The following NALF1 variants were observed in gnomAD, a reference collection of about 807,000 sequenced individuals.
The protein encoded by NALF1 is family with sequence similarity 155 member A.
A neutral mutation model predicts 48.4 loss-of-function variants in NALF1; 3 were observed. The ratio of observed to expected loss-of-function variants is 0.06; its 90% confidence interval spans 0.03 to 0.16. The LOEUF (loss-of-function observed/expected upper bound fraction) is 0.16. NALF1 is among the 10% of genes least tolerant of loss of function. NALF1 has a pLI of 1.00. For missense variants in NALF1, 526 were observed against 571.5 expected (o/e 0.92, Z 0.81); for synonymous variants, 262 against 245.7 (o/e 1.07, Z -0.62).
intron 1 of NALF1, among the ~76,000 whole-genome samples, chr13:107,743,963 A>G (rs1015754818): frequency 7.9e-5 from 12 of 152,352 alleles, no homozygotes; most frequent in Non-Finnish European, 1.2e-4. Flanking sequence ...GAATTGGGAA[A>G]GGGGGTTGTG....
intron 1 of NALF1, among the ~76,000 whole-genome samples, chr13:107,694,553 C>CA (rs746333222): frequency 2.6e-5 from 4 of 151,944 alleles, no homozygotes; most frequent in African/African-American, 4.8e-5. Context: ...TGGGACCCCA[C>CA]AAAAAAGTAT....
chr13:107,319,488 A>G (rs1882213596), intron 1 of NALF1, among the ~76,000 whole-genome samples: 1 of 152,086 alleles, frequency 6.6e-6, no homozygotes. Flanking sequence ...GCGCAATATA[A>G]GGAGTATACT....
chr13:107,763,496 C>A (rs1052688690), intron 1 of NALF1, among the ~76,000 whole-genome samples: 5 of 148,642 alleles, frequency 3.4e-5, no homozygotes, highest in African/African-American at 1.2e-4. Flanking sequence ...AAAAGGCAAG[C>A]CTTTCCAGTT....
chr13:107,656,231 TG>T (rs1243664439), intron 1 of NALF1, among the ~76,000 whole-genome samples: 2 of 148,770 alleles, frequency 1.3e-5, no homozygotes, highest in East Asian at 3.9e-4. Flanking sequence ...GACCACAGAG[TG>T]GGAAAAAATC....
intron 1 of NALF1, among the ~76,000 whole-genome samples, chr13:107,795,307 G>T (rs542630979): frequency 3.0e-4 from 46 of 152,196 alleles, no homozygotes; most frequent in Middle Eastern, 3.4e-3. Context: ...AAAGAAAGAG[G>T]GGGGAAAGCC....
intron 1 of NALF1, among the ~76,000 whole-genome samples, chr13:107,351,363 G>A (rs536765130): frequency 1.3e-5 from 2 of 152,304 alleles, no homozygotes; most frequent in East Asian, 3.9e-4. Context: ...AGAAATGCGC[G>A]AAGGAGAGGA....
Position 107,866,861 on chromosome 13 carries a change from C to T in NALF1, c.-265G>A. On this transcript the variant is annotated 5_prime_UTR_variant, in exon 1 of 3. Coordinates refer to ENST00000375915, the MANE Select transcript of NALF1 (RefSeq NM_001080396.3). This position sits in a 1 kb window ranked among gnomAD's most constrained non-coding sequence, Gnocchi z 4.4. ...AAGGTCTGACTTGCTTCCTAATCAT[C>T]AGCCGACCCCATCCTCTGTAGAGTG... is the stretch of plus-strand genomic sequence containing the variant. 1 of 511,084 alleles carries T rather than the reference C, an allele frequency of 2.0e-6. No homozygotes were observed. The highest frequency in any genetic ancestry group is 3.4e-6 in the Non-Finnish European group (1 of 290,108). 31.7% of individuals were successfully genotyped at this position (511,084 alleles called of 1,614,324 possible).
intron 1 of NALF1, among the ~76,000 whole-genome samples, chr13:107,736,098 T>C (rs1457704835): frequency 6.6e-6 from 1 of 152,046 alleles, no homozygotes; most frequent in Non-Finnish European, 1.5e-5. Flanking sequence ...TGATGTGACT[T>C]ACAGCCCAAT....
At chr13:107,774,923 A>AC (rs1877682821) in intron 1 of NALF1, among the ~76,000 whole-genome samples, 1 of 152,190 alleles carries the variant, frequency 6.6e-6, no homozygotes, top group East Asian at 1.9e-4. Flanking sequence ...CTTAGAGATC[A>AC]CATCATACTA....
At position 107,690,480 on chromosome 13, in the gene NALF1, G is replaced by A. The variant is rs149158144; in HGVS notation, c.915+175202C>T. ...TTTTACGTTTGTTCAGAGAGTTAAA[G>A]TGGTTTTTGCATTGTCTCCTGGGGC... On this transcript the variant is annotated intron_variant, in intron 1 of 2. Transcript: ENST00000375915. Among the ~76,000 whole-genome samples the A allele has an allele frequency of 5.5e-3, 845 of 152,300 alleles. 9 individuals are homozygous for A. Among genetic ancestry groups the A allele is most frequent in the African/African-American group, 0.019 (779 of 41,582 alleles).
chr13:107,730,296 G>A (rs1876273634), intron 1 of NALF1, among the ~76,000 whole-genome samples: 1 of 152,156 alleles, frequency 6.6e-6, no homozygotes, highest in Non-Finnish European at 1.5e-5. Context: ...ATCACAGTGG[G>A]ATTCAGGCTC....
At chr13:107,234,619 C>T (rs1456346428) in intron 1 of NALF1, among the ~76,000 whole-genome samples, 1 of 151,976 alleles carries the variant, frequency 6.6e-6, no homozygotes. Context: ...TCTGCTCTCC[C>T]TCACCAAAGG....
At chr13:107,704,383 T>C (rs1334252363) in intron 1 of NALF1, among the ~76,000 whole-genome samples, 5 of 152,216 alleles carry the variant, frequency 3.3e-5, no homozygotes, top group Non-Finnish European at 5.9e-5. Flanking sequence ...TTTTCTCTCA[T>C]TCACCAATCT....
chr13:107,611,617 C>T (rs1055336208), intron 1 of NALF1, among the ~76,000 whole-genome samples: 9 of 151,996 alleles, frequency 5.9e-5, no homozygotes, highest in South Asian at 2.1e-4. Context: ...CAGTGGCTCA[C>T]GCCTGTAATC....
intron 1 of NALF1, among the ~76,000 whole-genome samples, chr13:107,245,404 G>A (rs1880561390): frequency 6.6e-6 from 1 of 152,078 alleles, no homozygotes; most frequent in Non-Finnish European, 1.5e-5. Context: ...CCTGTTCCCT[G>A]GATCATAATT....
Position 107,169,225 on chromosome 13 carries a change from A to T in NALF1, c.*1272T>A, listed in dbSNP as rs1487064134. The T allele has an allele frequency of 2.0e-5, 3 of 152,300 alleles. No individual in the cohort carries two copies. The East Asian group carries it at 5.8e-4, about 29-fold the overall frequency. The allele number at this position is 152,300 out of a possible 1,614,324, so 9.4% of individuals were successfully genotyped here. A position where few individuals can be genotyped will look rare whatever the true frequency, so the allele number is the denominator to read the frequency against. ...AAAATGGCTGACCTATTTATTTTTTAAAAAAGAAGTTGTTCCTCTGTGATA... is the reference window on the plus strand; with the variant it reads ...AAAATGGCTGACCTATTTATTTTTTTAAAAAGAAGTTGTTCCTCTGTGATA... On this transcript the variant is annotated 3_prime_UTR_variant, in exon 3 of 3. Coordinates refer to ENST00000375915, the MANE Select transcript of NALF1 (RefSeq NM_001080396.3).
intron 1 of NALF1, chr13:107,466,503 A>C (rs980542275): frequency 5.3e-5 from 8 of 152,306 alleles, no homozygotes; most frequent in African/African-American, 1.9e-4. Context: ...TGCAGGTCTC[A>C]GGAGTGACTC....
At chr13:107,830,647 T>C (rs576377941) in intron 1 of NALF1, among the ~76,000 whole-genome samples, 8 of 152,226 alleles carry the variant, frequency 5.3e-5, no homozygotes, top group Admixed American at 1.3e-4. Flanking sequence ...GGGGGGAGGA[T>C]TCTTGTTGTT....
intron 1 of NALF1, among the ~76,000 whole-genome samples, chr13:107,830,953 T>C (rs112743692): frequency 6.6e-6 from 1 of 152,148 alleles, no homozygotes; most frequent in African/African-American, 2.4e-5. Context: ...CTGGGGGAAA[T>C]AGGATGTTCC....
Sources: allele counts gnomAD v4.1 joint callset (sites outside exome capture counted in the v4.1 genomes callset), GRCh38; gene constraint gnomAD v4.1.1; non-coding constraint Gnocchi (gnomAD v3.1); transcripts MANE v1.5; gene names NCBI Gene and HGNC (gene_info 2026-07-23, HGNC 2026-07-21).